Variants in LARGE1 observed in about 807,000 individuals in gnomAD.
The protein encoded by LARGE1 is LARGE xylosyl- and glucuronyltransferase 1, also known as xylosyl- and glucuronyltransferase LARGE1.
In LARGE1, 43 loss-of-function variants were observed where a neutral mutation model predicts 87.6. The observed-to-expected ratio is 0.49, with a 90% CI of 0.38 to 0.63. The LOEUF (loss-of-function observed/expected upper bound fraction) is 0.63, where lower values mean the gene tolerates loss of function less well. LARGE1 is among the 30% of genes least tolerant of loss of function. The pLI is 0.00. For missense variants in LARGE1, 802 were observed against 1,000.2 expected (o/e 0.80, Z 2.67); for synonymous variants, 434 against 394.6 (o/e 1.10, Z -1.18).
chr22:33,441,226 G>A (rs1266337811), intron 6 of LARGE1, among the ~76,000 whole-genome samples: 1 of 151,272 alleles, frequency 6.6e-6, no homozygotes, highest in Non-Finnish European at 1.5e-5. Flanking sequence ...GGTGCTTGCC[G>A]CCATGCCCAG....
At chr22:33,145,336 T>C in the LARGE1 span, among the ~76,000 whole-genome samples, 6 of 152,180 alleles carry the variant, frequency 3.9e-5, no homozygotes, top group Non-Finnish European at 1.5e-5. Context: ...TCCACTGTCT[T>C]CCAGGAAGCT....
chr22:33,200,990 G>C (rs1020563344), intron 11 of LARGE1, among the ~76,000 whole-genome samples: 1 of 152,040 alleles, frequency 6.6e-6, no homozygotes, highest in Non-Finnish European at 1.5e-5. Context: ...TTTTTAAAAG[G>C]TCATGGTTGC....
At chr22:33,460,502 A>G (rs1229435067) in intron 6 of LARGE1, among the ~76,000 whole-genome samples, 1 of 152,208 alleles carries the variant, frequency 6.6e-6, no homozygotes, top group Non-Finnish European at 1.5e-5. Flanking sequence ...TAATGCATGT[A>G]TATATGCACA....
chr22:33,434,926 T>C (rs1314744420), intron 6 of LARGE1, among the ~76,000 whole-genome samples: 1 of 152,214 alleles, frequency 6.6e-6, no homozygotes, highest in African/African-American at 2.4e-5. Flanking sequence ...TCTGAACTAT[T>C]ACTTTATCTT....
chr22:33,762,213 C>CAAAA lies in LARGE1; in HGVS notation c.-82-659_-82-656dup, dbSNP rs56832457. ...AGGGAGACAGAGCGAGATTCTATCT[C>CAAAA]AAAAAAAAAAAAAAAAAAAAAAAAA... On this transcript the variant is annotated intron_variant, in intron 1 of 14. Transcript: ENST00000397394. Among the ~76,000 whole-genome samples the CAAAA allele has an allele frequency of 2.8e-3, 234 of 84,434 alleles. 14 individuals carry two copies. The highest frequency in any genetic ancestry group is 5.9e-3 in the East Asian group (15 of 2,540). The allele number at this position is 84,434 out of a possible 152,430, so 55.4% of individuals were successfully genotyped here.
intron 2 of LARGE1, among the ~76,000 whole-genome samples, chr22:33,663,034 TAA>T (rs1281818094): frequency 6.6e-6 from 1 of 150,800 alleles, no homozygotes; most frequent in Admixed American, 6.6e-5. Context: ...GAAAAAGAAA[TAA>T]GAGGAGGAAA....
At chr22:33,203,189 G>A (rs1056116397) in intron 11 of LARGE1, among the ~76,000 whole-genome samples, 1 of 151,468 alleles carries the variant, frequency 6.6e-6, no homozygotes, top group African/African-American at 2.4e-5. Flanking sequence ...GGTGATTCAA[G>A]GTCCCAGTGC....
At chr22:33,854,591 A>G (rs1356778094) in intron 1 of LARGE1, among the ~76,000 whole-genome samples, 2 of 152,234 alleles carry the variant, frequency 1.3e-5, no homozygotes, top group Non-Finnish European at 2.9e-5. Context: ...AAAATAAGAC[A>G]TTATGAAGAA....
intron 6 of LARGE1, among the ~76,000 whole-genome samples, chr22:33,458,259 C>T (rs975157946): frequency 2.0e-5 from 3 of 151,720 alleles, no homozygotes; most frequent in African/African-American, 4.8e-5. Context: ...GTGCTGCCAC[C>T]ACGCTCGGCT....
intron 1 of LARGE1, among the ~76,000 whole-genome samples, chr22:33,840,926 T>C (rs544324845): frequency 1.5e-4 from 23 of 152,346 alleles, no homozygotes; most frequent in Non-Finnish European, 3.4e-4. Context: ...CCTGGATGAC[T>C]TTCCAGCTTT....
chr22:33,438,394 T>A (rs1326775199), intron 6 of LARGE1, among the ~76,000 whole-genome samples: 1 of 152,160 alleles, frequency 6.6e-6, no homozygotes, highest in East Asian at 1.9e-4. Context: ...GGGCCTGTGG[T>A]TATGATTAAG....
intron 9 of LARGE1, among the ~76,000 whole-genome samples, chr22:33,376,424 G>A (rs1371148452): frequency 6.6e-6 from 1 of 152,178 alleles, no homozygotes; most frequent in Non-Finnish European, 1.5e-5. Flanking sequence ...GAAACTAGAT[G>A]AATTTTAAGA....
chr22:33,710,594 G>C lies in LARGE1; in HGVS notation c.106+50777C>G, dbSNP rs1028841425. 3.3e-5 allele frequency among the ~76,000 whole-genome samples: 5 copies of C among 152,192 alleles called. No individual in the cohort carries two copies. In the South Asian group the frequency reaches 1.0e-3, roughly 32 times the overall value. ...CCACAAAAGGTTCTTTTAATCAGAG[G>C]CATTTAGACTGGACACAATGGGCAC... On this transcript the variant is annotated intron_variant, in intron 2 of 14. Coordinates refer to ENST00000397394, the MANE Select transcript of LARGE1 (RefSeq NM_133642.5).
chr22:33,082,254 C>G, the LARGE1 span, among the ~76,000 whole-genome samples: 1 of 152,158 alleles, frequency 6.6e-6, no homozygotes, highest in Non-Finnish European at 1.5e-5. Flanking sequence ...ATCCCTACAC[C>G]ACTACCAATT....
intron 9 of LARGE1, among the ~76,000 whole-genome samples, chr22:33,344,792 AG>A (rs879673837): frequency 0.57 from 84,794 of 149,422 alleles, 26,107 homozygotes; most frequent in Admixed American, 0.62. Flanking sequence ...CTTGAGGGAA[AG>A]GATCACCCAT....
chr22:33,907,065 A>G (rs1447980498), intron 1 of LARGE1, among the ~76,000 whole-genome samples: 3 of 152,094 alleles, frequency 2.0e-5, no homozygotes, highest in Admixed American at 2.0e-4. Context: ...ATTAAATCAG[A>G]CCACTACTGG....
At chr22:33,890,526 ACT>A (rs1428291952) in intron 1 of LARGE1, among the ~76,000 whole-genome samples, 3 of 152,140 alleles carry the variant, frequency 2.0e-5, no homozygotes, top group Admixed American at 6.5e-5. Context: ...GAGGCTCAAA[ACT>A]CTGCAACAGA....
chr22:33,521,965 A>G (rs2071622653), intron 6 of LARGE1, among the ~76,000 whole-genome samples: 1 of 152,218 alleles, frequency 6.6e-6, no homozygotes, highest in African/African-American at 2.4e-5. Context: ...GGCAAGTCAC[A>G]TGGCAAGAAC....
At chr22:33,123,682 A>T in the LARGE1 span, among the ~76,000 whole-genome samples, 60 of 152,208 alleles carry the variant, frequency 3.9e-4, no homozygotes, top group Non-Finnish European at 6.6e-4. Flanking sequence ...TTGGGCAGAG[A>T]GGGGCTAAAC....
Sources: gnomAD v4.1 joint callset for allele counts (sites outside exome capture counted in the v4.1 genomes callset) on GRCh38, gnomAD v4.1.1 for gene constraint, MANE v1.5 for transcripts, NCBI Gene and HGNC (gene_info 2026-07-23, HGNC 2026-07-21) for gene names.